Variants in EIF3A observed in about 807,000 individuals in gnomAD.
The protein encoded by EIF3A is eukaryotic translation initiation factor 3 subunit A.
A neutral mutation model predicts 186.6 loss-of-function variants in EIF3A; 21 were observed. That is an observed-to-expected ratio of 0.11 (90% confidence interval 0.08 to 0.16). The LOEUF is 0.16. Ranked by LOEUF, EIF3A falls within the 10% of genes least tolerant of loss-of-function variation. The pLI, the probability that EIF3A is intolerant of heterozygous loss-of-function variation, is 1.00. For missense variants in EIF3A, 1,306 were observed against 1,796.3 expected (o/e 0.73, Z 4.93); for synonymous variants, 563 against 584.3 (o/e 0.96, Z 0.52).
Position 119,066,505 on chromosome 10 carries a change from C to CAA in EIF3A, c.951-937_951-936dup, listed in dbSNP as rs71016533. 8.6e-4 allele frequency among the ~76,000 whole-genome samples: 41 copies of CAA among 47,496 alleles called. 2 individuals carry two copies. Among genetic ancestry groups the CAA allele is most frequent in the African/African-American group, 4.1e-3 (41 of 9,942 alleles). 31.2% of individuals were successfully genotyped at this position (47,496 alleles called of 152,430 possible). ...GCCTGGGGGGCAGAGTTAAGACTGT[C>CAA]AAAAAAAAAAAAAAAAAAAAAAAAA... is the stretch of plus-strand genomic sequence containing the variant. On this transcript the variant is annotated intron_variant, in intron 6 of 21. Transcript: ENST00000369144.
chr10:119,056,606 T>C, intron 14 of EIF3A, 134 bp downstream of exon 14: 1 of 599,752 alleles, frequency 1.7e-6, no homozygotes, highest in Non-Finnish European at 2.9e-6. Flanking sequence ...TCTACCAATC[T>C]GTTCATAGGC....
At chr10:119,050,472 A>G in intron 16 of EIF3A, 49 bp downstream of exon 16, 1 of 1,575,420 alleles carries the variant, frequency 6.3e-7, no homozygotes, top group Non-Finnish European at 8.7e-7. Flanking sequence ...ACTAGATCTT[A>G]ACACCAACCT....
intron 1 of EIF3A, among the ~76,000 whole-genome samples, chr10:119,075,293 G>A (rs1336361319): frequency 6.6e-6 from 1 of 151,948 alleles, no homozygotes; most frequent in Non-Finnish European, 1.5e-5. Context: ...TATCCCCTGA[G>A]CCCGAAGGCA....
intron 7 of EIF3A, among the ~76,000 whole-genome samples, chr10:119,062,441 C>T (rs536928495): frequency 5.9e-5 from 9 of 152,310 alleles, no homozygotes; most frequent in Non-Finnish European, 1.2e-4. Context: ...GGAAGCCTAA[C>T]GCTCAGGTAT....
At chr10:119,062,446 A>C (rs998921993) in intron 7 of EIF3A, among the ~76,000 whole-genome samples, 1 of 152,222 alleles carries the variant, frequency 6.6e-6, no homozygotes, top group African/African-American at 2.4e-5. Flanking sequence ...CCTAACGCTC[A>C]GGTATTGACC....
chr10:119,070,475 C>A (rs997565753), intron 5 of EIF3A, among the ~76,000 whole-genome samples: 2 of 152,122 alleles, frequency 1.3e-5, no homozygotes, highest in African/African-American at 4.8e-5. Flanking sequence ...ACAGAAAAAG[C>A]TCACTTTTTA....
At chr10:119,054,491 G>C (rs963590569) in intron 14 of EIF3A, among the ~76,000 whole-genome samples, 8 of 150,560 alleles carry the variant, frequency 5.3e-5, no homozygotes, top group African/African-American at 2.0e-4. Context: ...GAGATGAGCA[G>C]ATCACCTGAG....
At chr10:119,059,126 G>A (rs1843839545) in intron 11 of EIF3A, 86 bp downstream of exon 11, 2 of 1,048,290 alleles carry the variant, frequency 1.9e-6, no homozygotes, top group South Asian at 1.4e-5. Flanking sequence ...CTCAGATATT[G>A]TCTCAAACCT....
rs1005043364 is a variant in EIF3A, at chr10:119,060,941, T to C, written c.1228-97A>G. On this transcript the variant is annotated intron_variant, in intron 8 of 21. Coordinates refer to ENST00000369144, the MANE Select transcript of EIF3A (RefSeq NM_003750.4). The stretch of plus-strand genomic sequence containing the variant: ...TTTTTTTTAATATACAAAAACATCA[T>C]CCAATGCAAAGAAATACAAAATGTA... 5 of 817,806 alleles carry C rather than the reference T, an allele frequency of 6.1e-6. No homozygotes were observed. The Admixed American group carries it at 8.0e-5, about 13-fold the overall frequency. The allele number at this position is 817,806 out of a possible 1,614,324, so 50.7% of individuals were successfully genotyped here.
chr10:119,074,268 C>A (rs753759240), intron 1 of EIF3A, among the ~76,000 whole-genome samples: 43 of 152,072 alleles, frequency 2.8e-4, no homozygotes, highest in Non-Finnish European at 5.6e-4. Context: ...GAGCTGGAGA[C>A]CAGCCTGGCC....
chr10:119,037,244 C>T lies in EIF3A; in HGVS notation c.3794G>A (p.Arg1265Gln), dbSNP rs1174804378. 17 of 1,613,986 alleles carry T rather than the reference C, an allele frequency of 1.1e-5. No homozygotes were observed. Among genetic ancestry groups the T allele is most frequent in the Admixed American group, 5.0e-5 (3 of 59,990 alleles). ...ESSSWRDSSR[R>Q]DDRDRDDRRR... ...ACGGTCATCCCTATCCCTATCGTCC[C>T]GGCGACTTGAGTCTCTCCAGCTTGA... is the stretch of plus-strand genomic sequence containing the variant. Residue 1265 changes from arginine to glutamine, a missense_variant, in exon 21 of 22, where the codon CGG becomes CAG. By Grantham distance (43) the Arg-to-Gln change is conservative. Around this residue, in one of 8 missense-constraint regions of EIF3A, gnomAD observed 331 missense variants for 365.8 expected, o/e 0.90. Transcript: ENST00000369144.
At chr10:119,080,234 C>T (rs779895796) in intron 1 of EIF3A, 58 of 849,238 alleles carry the variant, frequency 6.8e-5, no homozygotes, top group Non-Finnish European at 8.1e-5. Flanking sequence ...TTCTTACTCC[C>T]CGGCACTCCC....
rs777520032 is a variant in EIF3A at position 119,036,129 on chromosome 10, C to G, written c.4059G>C (p.Lys1353Asn). The G allele has an allele frequency of 6.2e-7, 1 of 1,613,932 alleles. No homozygotes were observed. The highest frequency in any genetic ancestry group is 1.1e-5 in the South Asian group (1 of 91,060). ...RDREREGEKE[K>N]ASWRAEKDRE... is the part of the protein sequence containing the mutation. Reference sequence around the variant, plus strand: ...TATCTTTCTCAGCTCTCCATGAGGCCTTCTCTTTTTCACCTTCTCTTTCTC... The same window carrying G: ...TATCTTTCTCAGCTCTCCATGAGGCGTTCTCTTTTTCACCTTCTCTTTCTC... The change falls in exon 22 of 22, where the codon AAG becomes AAC. Residue 1353 changes from lysine (K) to asparagine (N), a missense_variant. Physicochemically the swap from Lys to Asn is moderately conservative, Grantham distance 94. Transcript: ENST00000369144.
At chr10:119,044,913 T>G (rs1041748775) in intron 17 of EIF3A, among the ~76,000 whole-genome samples, 1 of 148,610 alleles carries the variant, frequency 6.7e-6, no homozygotes, top group African/African-American at 2.5e-5. Flanking sequence ...AATGCGTGAA[T>G]AAGAGAACCT....
chr10:119,077,393 G>T (rs1280421010), intron 1 of EIF3A, among the ~76,000 whole-genome samples: 2 of 152,084 alleles, frequency 1.3e-5, no homozygotes, highest in African/African-American at 4.8e-5. Flanking sequence ...GGAGGTTGCA[G>T]TGGGCCGAGA....
intron 7 of EIF3A, among the ~76,000 whole-genome samples, chr10:119,064,457 T>TA (rs1375645170): frequency 6.6e-6 from 1 of 151,854 alleles, no homozygotes; most frequent in Non-Finnish European, 1.5e-5. Context: ...ACCATCCCCG[T>TA]AGGCCCATCC....
Position 119,062,009 on chromosome 10 carries a change from A to G in EIF3A, c.1123-681T>C, listed in dbSNP as rs531227109. ...ACTGAGGCAAATATTGGCAGATCGC[A>G]TCCCCAAGCAAGGAGGGCACCCACA... On this transcript the variant is annotated intron_variant, in intron 7 of 21. Coordinates refer to ENST00000369144, the MANE Select transcript of EIF3A (RefSeq NM_003750.4). 2.0e-5 allele frequency among the ~76,000 whole-genome samples: 3 copies of G among 152,324 alleles called. No individual in the cohort carries two copies. In the South Asian group the frequency reaches 6.2e-4, roughly 32 times the overall value.
At chr10:119,056,634 T>G in intron 14 of EIF3A, 106 bp downstream of exon 14, 1 of 746,586 alleles carries the variant, frequency 1.3e-6, no homozygotes, top group Non-Finnish European at 2.2e-6. Context: ...AGAGCACCAT[T>G]TCTAGCAGAA....
intron 14 of EIF3A, among the ~76,000 whole-genome samples, chr10:119,054,647 G>C (rs1357773741): frequency 6.6e-6 from 1 of 150,978 alleles, no homozygotes; most frequent in Admixed American, 6.6e-5. Context: ...AGAATCACTT[G>C]AACTGGGAGG....
Sources: allele counts gnomAD v4.1 joint callset (sites outside exome capture counted in the v4.1 genomes callset), GRCh38; gene constraint gnomAD v4.1.1; regional missense constraint gnomAD v4.1.1; transcripts MANE v1.5; gene names NCBI Gene and HGNC (gene_info 2026-07-23, HGNC 2026-07-21).